The following EPHA6 variants were observed in gnomAD, a reference collection of about 807,000 sequenced individuals.
EPHA6 encodes ephrin type-A receptor 6.
Under a neutral mutation model 112.0 loss-of-function variants are expected in EPHA6, and 50 were observed. The observed-to-expected ratio is 0.45, with a 90% CI of 0.36 to 0.56. The LOEUF (loss-of-function observed/expected upper bound fraction) is 0.56, where lower values mean the gene tolerates loss of function less well. Among genes scored for constraint, EPHA6 ranks in the 20% least tolerant of loss-of-function variants. The pLI is 0.00. For missense variants in EPHA6, 1,280 were observed against 1,417.4 expected (o/e 0.90, Z 1.56); for synonymous variants, 529 against 490.7 (o/e 1.08, Z -1.03).
intron 6 of EPHA6, among the ~76,000 whole-genome samples, chr3:97,437,034 AT>A (rs565935500): frequency 0.03 from 4,165 of 137,242 alleles, 154 homozygotes; most frequent in African/African-American, 0.091. Flanking sequence ...ACATTATGAG[AT>A]TTTTTTTTTT....
chr3:97,034,459 GAAA>G (rs1220423647), intron 3 of EPHA6, among the ~76,000 whole-genome samples: 1 of 151,816 alleles, frequency 6.6e-6, no homozygotes, highest in Non-Finnish European at 1.5e-5. Flanking sequence ...TACTGTCCAT[GAAA>G]ACACCATTGT....
At chr3:97,740,745 C>T (rs2035468111) in intron 16 of EPHA6, among the ~76,000 whole-genome samples, 1 of 152,168 alleles carries the variant, frequency 6.6e-6, no homozygotes, top group Non-Finnish European at 1.5e-5. Flanking sequence ...ATACTGCTAT[C>T]TTCTGAATAC....
intron 3 of EPHA6, among the ~76,000 whole-genome samples, chr3:97,184,162 ATGAGAGG>A (rs2077061542): frequency 1.3e-5 from 2 of 152,230 alleles, no homozygotes; most frequent in Admixed American, 6.5e-5. Flanking sequence ...AATTATTCTT[ATGAGAGG>A]TTATCAAGTT....
chr3:97,173,003 A>G (rs1275574026), intron 3 of EPHA6, among the ~76,000 whole-genome samples: 2 of 151,896 alleles, frequency 1.3e-5, no homozygotes, highest in South Asian at 2.1e-4. Context: ...ATAGATTTCC[A>G]TGGGATGTGA....
intron 11 of EPHA6, among the ~76,000 whole-genome samples, chr3:97,565,579 A>G (rs2093252788): frequency 6.6e-6 from 1 of 152,228 alleles, no homozygotes; most frequent in South Asian, 2.1e-4. Context: ...TAAAATTTCA[A>G]GTTCTTGCCA....
At chr3:97,549,816 TAATAAAATAA>T (rs547293946) in intron 11 of EPHA6, among the ~76,000 whole-genome samples, 3 of 151,410 alleles carry the variant, frequency 2.0e-5, no homozygotes, top group Admixed American at 6.6e-5. Context: ...GTCTCCAAAA[TAATAAAATAA>T]AATAAAATAA....
At chr3:97,247,584 T>A (rs186822775) in intron 5 of EPHA6, among the ~76,000 whole-genome samples, 1 of 151,926 alleles carries the variant, frequency 6.6e-6, no homozygotes, top group South Asian at 2.1e-4. Flanking sequence ...GAAATCATTC[T>A]GAGTAGAAGG....
chr3:96,983,812 A>G (rs2042909208), intron 2 of EPHA6, among the ~76,000 whole-genome samples: 1 of 152,138 alleles, frequency 6.6e-6, no homozygotes, highest in Non-Finnish European at 1.5e-5. Flanking sequence ...TTGATCTTCA[A>G]TCACTGATAC....
At chr3:96,942,126 TA>T (rs2040991420) in intron 2 of EPHA6, among the ~76,000 whole-genome samples, 2 of 152,170 alleles carry the variant, frequency 1.3e-5, no homozygotes, top group Admixed American at 1.3e-4. Flanking sequence ...GGAGAACCAC[TA>T]CTCTCCTCAA....
At chr3:97,491,876 G>T (rs527308849) in intron 10 of EPHA6, among the ~76,000 whole-genome samples, 1 of 152,056 alleles carries the variant, frequency 6.6e-6, no homozygotes, top group African/African-American at 2.4e-5. Flanking sequence ...AAGGCCACTT[G>T]AGGTCTTGTC....
intron 14 of EPHA6, among the ~76,000 whole-genome samples, chr3:97,642,964 A>C (rs1056168826): frequency 2.3e-4 from 34 of 150,608 alleles, no homozygotes; most frequent in Non-Finnish European, 4.0e-4. Flanking sequence ...CTCCTCGAGA[A>C]GAGCAACCCC....
chr3:97,352,537 T>C (rs73851223), intron 5 of EPHA6, among the ~76,000 whole-genome samples: 1,563 of 152,204 alleles, frequency 0.01, 20 homozygotes, highest in African/African-American at 0.029. Flanking sequence ...CAGTGCTGCC[T>C]TGTCACAGTG....
At chr3:97,427,092 G>A (rs1038615367) in intron 6 of EPHA6, among the ~76,000 whole-genome samples, 2 of 152,088 alleles carry the variant, frequency 1.3e-5, no homozygotes, top group African/African-American at 4.8e-5. Context: ...ACTGTTGGTG[G>A]GAGTATAATT....
intron 5 of EPHA6, among the ~76,000 whole-genome samples, chr3:97,290,955 A>G (rs2080660066): frequency 6.6e-6 from 1 of 151,726 alleles, no homozygotes; most frequent in Non-Finnish European, 1.5e-5. Flanking sequence ...TTACTTTTTC[A>G]GTTCCCTGAG....
chr3:97,666,056 CAA>C (rs774844509), intron 14 of EPHA6, among the ~76,000 whole-genome samples: 43 of 100,770 alleles, frequency 4.3e-4, no homozygotes, highest in East Asian at 2.9e-4. Context: ...GACTCCATCT[CAA>C]AAAAAAAAAA....
In EPHA6 at chr3:97,430,735, A is replaced by G. The variant is rs143571017; in HGVS notation, c.1732-17833A>G. On this transcript the variant is annotated intron_variant, in intron 6 of 17. Coordinates refer to ENST00000389672, the MANE Select transcript of EPHA6 (RefSeq NM_001080448.3). ...ATGAACCACTTTTTATAAAGCATTCATATTGGGTAATTTTTGTAATGCATT... is the reference window on the plus strand; with the variant it reads ...ATGAACCACTTTTTATAAAGCATTCGTATTGGGTAATTTTTGTAATGCATT... Among the ~76,000 whole-genome samples the G allele has an allele frequency of 8.1e-3, 1,237 of 152,268 alleles. 4 individuals carry two copies. The highest frequency in any genetic ancestry group is 0.013 in the Non-Finnish European group (858 of 67,998).
At chr3:97,520,160 G>A (rs1340738786) in intron 10 of EPHA6, among the ~76,000 whole-genome samples, 1 of 151,758 alleles carries the variant, frequency 6.6e-6, no homozygotes, top group African/African-American at 2.4e-5. Context: ...GTAGAGATGG[G>A]GTTTCACTGT....
intron 14 of EPHA6, among the ~76,000 whole-genome samples, chr3:97,685,120 T>C (rs976744172): frequency 1.3e-5 from 2 of 152,188 alleles, no homozygotes; most frequent in Non-Finnish European, 2.9e-5. Flanking sequence ...ATTTATATGA[T>C]GTCACTCATA....
In EPHA6 at chr3:96,928,693, G is replaced by T. The variant is rs575845272; in HGVS notation, c.451-58637G>T. 4.6e-5 allele frequency among the ~76,000 whole-genome samples: 7 copies of T among 152,210 alleles called. No individual in the cohort carries two copies. The South Asian group carries it at 1.5e-3, about 32-fold the overall frequency. ...ATTTTTGTTAATTTCCTCTCTTGATGACTTGTTTAATATTGTCAGTGGGGT... is the reference window on the plus strand; with the variant it reads ...ATTTTTGTTAATTTCCTCTCTTGATTACTTGTTTAATATTGTCAGTGGGGT... On this transcript the variant is annotated intron_variant, in intron 2 of 17. Transcript: ENST00000389672.
Sources: gnomAD v4.1 joint callset for allele counts (sites outside exome capture counted in the v4.1 genomes callset) on GRCh38, gnomAD v4.1.1 for gene constraint, MANE v1.5 for transcripts, NCBI Gene and HGNC (gene_info 2026-07-23, HGNC 2026-07-21) for gene names.